Variants in LDB2 observed in about 807,000 individuals in gnomAD.
LDB2 encodes LIM domain binding 2.
A neutral mutation model predicts 44.3 loss-of-function variants in LDB2; 12 were observed. The observed-to-expected ratio is 0.27, with a 90% confidence interval of 0.17 to 0.44. The LOEUF is 0.44. Ranked by LOEUF, LDB2 falls within the 20% of genes least tolerant of loss-of-function variation. LDB2 has a pLI of 1.00. For missense variants in LDB2, 344 were observed against 473.5 expected, an observed-to-expected ratio of 0.73 and a Z score of 2.54; for synonymous variants, 164 against 174.8, an observed-to-expected ratio of 0.94 and a Z score of 0.49.
intron 5 of LDB2, among the ~76,000 whole-genome samples, chr4:16,540,477 G>T (rs1005135605): frequency 3.3e-5 from 5 of 152,094 alleles, no homozygotes; most frequent in Non-Finnish European, 7.4e-5. Context: ...CAAAAGGTTG[G>T]CATTTTTTCT....
intron 2 of LDB2, among the ~76,000 whole-genome samples, chr4:16,628,241 A>C (rs1730846653): frequency 6.6e-6 from 1 of 152,300 alleles, no homozygotes; most frequent in African/African-American, 2.4e-5. Context: ...AATTCATCAG[A>C]ATGTTGTTTT....
At chr4:16,736,220 C>A (rs1417508580) in intron 2 of LDB2, among the ~76,000 whole-genome samples, 1 of 152,210 alleles carries the variant, frequency 6.6e-6, no homozygotes, top group Non-Finnish European at 1.5e-5. Flanking sequence ...TGGACTTCAA[C>A]TCACCTGCTA....
chr4:16,708,902 T>C (rs1274933939), intron 2 of LDB2, among the ~76,000 whole-genome samples: 2 of 150,240 alleles, frequency 1.3e-5, no homozygotes, highest in African/African-American at 4.8e-5. Flanking sequence ...AATAATCTTC[T>C]CCTCACTCTG....
intron 2 of LDB2, among the ~76,000 whole-genome samples, chr4:16,607,658 C>T (rs998062741): frequency 6.6e-6 from 1 of 152,228 alleles, no homozygotes; most frequent in East Asian, 1.9e-4. Flanking sequence ...TCCCATAATA[C>T]CCTGTTTATG....
chr4:16,549,665 A>G (rs1241046706), intron 5 of LDB2, among the ~76,000 whole-genome samples: 4 of 152,132 alleles, frequency 2.6e-5, no homozygotes, highest in East Asian at 1.9e-4. Context: ...AAGACCTGCA[A>G]TGTTACCCAG....
At chr4:16,822,156 T>C (rs1459619015) in intron 1 of LDB2, among the ~76,000 whole-genome samples, 1 of 152,150 alleles carries the variant, frequency 6.6e-6, no homozygotes. Context: ...TATACTTGCC[T>C]ATGTACAGCT....
intron 4 of LDB2, among the ~76,000 whole-genome samples, 194 bp downstream of exon 4, chr4:16,588,516 T>C (rs1392336267): frequency 6.6e-6 from 1 of 152,040 alleles, no homozygotes; most frequent in African/African-American, 2.4e-5. Context: ...TGTACCAATC[T>C]TGGAAACAAA....
At chr4:16,793,483 G>T (rs1776162082) in intron 1 of LDB2, among the ~76,000 whole-genome samples, 1 of 152,140 alleles carries the variant, frequency 6.6e-6, no homozygotes, top group African/African-American at 2.4e-5. Context: ...CTCCCAGGTT[G>T]CCATTTGAAG....
intron 1 of LDB2, among the ~76,000 whole-genome samples, chr4:16,831,713 A>G (rs763396100): frequency 6.6e-6 from 1 of 152,246 alleles, no homozygotes; most frequent in African/African-American, 2.4e-5. Flanking sequence ...TTTCTCAGTA[A>G]TTGGACACTT....
chr4:16,811,860 A>G (rs1375526057), intron 1 of LDB2, among the ~76,000 whole-genome samples: 1 of 152,228 alleles, frequency 6.6e-6, no homozygotes, highest in East Asian at 1.9e-4. Flanking sequence ...AAGACTGACT[A>G]TACAGACAGA....
chr4:16,604,754 A>T (rs2152455633), intron 2 of LDB2, among the ~76,000 whole-genome samples: 1 of 152,226 alleles, frequency 6.6e-6, no homozygotes, highest in East Asian at 1.9e-4. Flanking sequence ...TAAATGTCTA[A>T]TTTGACTGTA....
At chr4:16,853,694 T>C (rs1788744012) in intron 1 of LDB2, among the ~76,000 whole-genome samples, 1 of 152,168 alleles carries the variant, frequency 6.6e-6, no homozygotes, top group African/African-American at 2.4e-5. Context: ...CATTGCAGCA[T>C]TTTCCACAAT....
At chr4:16,883,486 T>G (rs1222006881) in intron 1 of LDB2, among the ~76,000 whole-genome samples, 1 of 152,206 alleles carries the variant, frequency 6.6e-6, no homozygotes, top group African/African-American at 2.4e-5. Flanking sequence ...TGAACTACCA[T>G]GCAGTAGAGG....
At chr4:16,628,664 G>A (rs745424873) in intron 2 of LDB2, among the ~76,000 whole-genome samples, 1 of 151,884 alleles carries the variant, frequency 6.6e-6, no homozygotes, top group Non-Finnish European at 1.5e-5. Flanking sequence ...AACAGCTCTG[G>A]TCTACAGCTC....
intron 1 of LDB2, among the ~76,000 whole-genome samples, chr4:16,763,708 T>C (rs1768509342): frequency 6.6e-6 from 1 of 152,304 alleles, no homozygotes; most frequent in South Asian, 2.1e-4. Flanking sequence ...TGAACCATTT[T>C]ATATTCACAA....
chr4:16,619,246 T>C (rs1289427872), intron 2 of LDB2, among the ~76,000 whole-genome samples: 5 of 152,140 alleles, frequency 3.3e-5, no homozygotes, highest in African/African-American at 1.2e-4. Context: ...GCCTTTGTCC[T>C]GCCAGAAACT....
At chr4:16,705,670 C>T (rs17428395) in intron 2 of LDB2, among the ~76,000 whole-genome samples, 2,766 of 152,300 alleles carry the variant, frequency 0.018, 34 homozygotes, top group Non-Finnish European at 0.027. Context: ...AATATTGGGA[C>T]AACAGCTGAG....
chr4:16,881,290 C>T (rs73245330), intron 1 of LDB2, among the ~76,000 whole-genome samples: 3,319 of 152,316 alleles, frequency 0.022, 41 homozygotes, highest in Non-Finnish European at 0.031. Context: ...GGGCTAATTA[C>T]TAAGCCTCTC....
intron 5 of LDB2, among the ~76,000 whole-genome samples, chr4:16,561,007 A>T (rs1741960630): frequency 1.3e-5 from 2 of 152,246 alleles, no homozygotes; most frequent in Non-Finnish European, 2.9e-5. Context: ...ACCTTTGACA[A>T]AATTCAACAA....
Sources: allele counts gnomAD v4.1 joint callset (sites outside exome capture counted in the v4.1 genomes callset), GRCh38; gene constraint gnomAD v4.1.1; transcripts MANE v1.5; gene names NCBI Gene and HGNC (gene_info 2026-07-23, HGNC 2026-07-21).